RBFOX1: variants seen among roughly 807,000 people sequenced by gnomAD.
RBFOX1 encodes RNA binding protein fox-1 homolog 1.
A neutral mutation model predicts 57.7 loss-of-function variants in RBFOX1; 8 were observed. The ratio of observed to expected loss-of-function variants is 0.14; its 90% CI spans 0.08 to 0.25. The LOEUF is 0.25. RBFOX1 is among the 10% of genes least tolerant of loss of function. The probability of loss-of-function intolerance (pLI) is 1.00; values close to 1 mark genes in which losing one functional copy is unlikely to be tolerated. For synonymous variants in RBFOX1, 326 were observed against 222.4 expected (o/e 1.47, Z -4.15); for missense variants, 611 against 548.5 (o/e 1.11, Z -1.14).
At chr16:7,564,538 C>A (rs2091221292) in intron 5 of RBFOX1, among the ~76,000 whole-genome samples, 3 of 37,374 alleles carry the variant, frequency 8.0e-5, no homozygotes, top group African/African-American at 1.8e-4. Flanking sequence ...AAGACTCCAT[C>A]TCAAAAAAAA....
At position 6,710,897 on chromosome 16, in the gene RBFOX1, G is replaced by C. The variant is rs192976308; in HGVS notation, c.-16+56247G>C. ...TTCATTTGTGCCAAGTGTCTGAGAA[G>C]ACTCCTTCTAGAAGACAGGGAGGGG... On this transcript the variant is annotated intron_variant, in intron 3 of 15. Transcript: ENST00000550418. 1.6e-3 allele frequency among the ~76,000 whole-genome samples: 240 copies of C among 152,300 alleles called. 7 individuals are homozygous for C. Among genetic ancestry groups the C allele is most frequent in the Admixed American group, 0.013 (201 of 15,292 alleles).
In RBFOX1 at chr16:5,488,579, GATGATTGAAGATGATGGTGTGGTGGGGC is replaced by G. The variant is rs1293903788; in HGVS notation, c.258+21326_258+21353del. Among the ~76,000 whole-genome samples, 113 of 31,708 alleles carry G rather than the reference GATGATTGAAGATGATGGTGTGGTGGGGC, an allele frequency of 3.6e-3. 3 individuals carry two copies. In the Middle Eastern group the frequency reaches 0.075, roughly 21 times the overall value. The allele number at this position is 31,708 out of a possible 152,430, so 20.8% of individuals were successfully genotyped here. A position where few individuals can be genotyped will look rare whatever the true frequency, so the allele number is the denominator to read the frequency against. On this transcript the variant is annotated intron_variant, in intron 2 of 2. Transcript: ENST00000585867. ...AATGGAGGATTATGGTGATGATGGT[GATGATTGAAGATGATGGTGTGGTGGGGC>G]GTGATGGTGATGATAATGGAGGATT... is the stretch of plus-strand genomic sequence containing the variant.
intron 3 of RBFOX1, chr16:6,775,914 C>T (rs2079249054): frequency 6.6e-6 from 1 of 152,196 alleles, no homozygotes; most frequent in Non-Finnish European, 1.5e-5. Flanking sequence ...GTGCTTCTTT[C>T]CAAGTCTCCT....
At chr16:5,264,017 G>C (rs2062800276) in intron 1 of RBFOX1, among the ~76,000 whole-genome samples, 1 of 152,128 alleles carries the variant, frequency 6.6e-6, no homozygotes, top group Admixed American at 6.5e-5. Flanking sequence ...TTTCCAGGTG[G>C]GTGTGGTTGA....
intron 3 of RBFOX1, among the ~76,000 whole-genome samples, chr16:5,801,988 G>A (rs538818847): frequency 1.3e-5 from 2 of 152,246 alleles, no homozygotes; most frequent in African/African-American, 4.8e-5. Flanking sequence ...CACTCTGCCT[G>A]GGTCTGCTGG....
intron 2 of RBFOX1, among the ~76,000 whole-genome samples, chr16:6,326,645 C>T (rs115932007): frequency 6.6e-6 from 1 of 152,306 alleles, no homozygotes; most frequent in African/African-American, 2.4e-5. Context: ...TAAACCTGCA[C>T]TCTGTGCAGA....
chr16:5,649,737 ACAAATTGAAGGC>A (rs2049171000), intron 3 of RBFOX1, among the ~76,000 whole-genome samples: 1 of 152,160 alleles, frequency 6.6e-6, no homozygotes, highest in Non-Finnish European at 1.5e-5. Flanking sequence ...TTCAACAAAC[ACAAATTGAAGGC>A]CATCATGTAC....
chr16:6,243,137 C>CCTGT (rs1555572839), intron 1 of RBFOX1, among the ~76,000 whole-genome samples: 1 of 150,326 alleles, frequency 6.7e-6, no homozygotes, highest in African/African-American at 2.5e-5. Context: ...GATATTTATA[C>CCTGT]GTGTGTCTGT....
intron 1 of RBFOX1, among the ~76,000 whole-genome samples, chr16:5,386,317 G>A (rs1231945750): frequency 1.3e-5 from 2 of 152,104 alleles, no homozygotes; most frequent in Admixed American, 6.5e-5. Context: ...ATGACCAGGT[G>A]TGGATGGAGA....
intron 3 of RBFOX1, among the ~76,000 whole-genome samples, chr16:7,018,222 G>T (rs79908410): frequency 6.6e-6 from 1 of 152,066 alleles, no homozygotes; most frequent in Non-Finnish European, 1.5e-5. Flanking sequence ...GAAGAAGGGG[G>T]CATTCTCTAC....
intron 4 of RBFOX1, among the ~76,000 whole-genome samples, chr16:7,286,876 G>A (rs143299545): frequency 1.3e-4 from 20 of 152,106 alleles, no homozygotes; most frequent in South Asian, 1.0e-3. Context: ...TGATCCACCC[G>A]CCTCAGCCTC....
chr16:7,602,461 A>G (rs2095079710), intron 9 of RBFOX1, among the ~76,000 whole-genome samples: 1 of 152,118 alleles, frequency 6.6e-6, no homozygotes, highest in Admixed American at 6.6e-5. Flanking sequence ...TGTTCAGTTT[A>G]ATGTCCTTGA....
intron 3 of RBFOX1, among the ~76,000 whole-genome samples, chr16:6,822,841 A>G (rs1011743169): frequency 6.6e-6 from 1 of 152,164 alleles, no homozygotes; most frequent in African/African-American, 2.4e-5. Context: ...TGAATCTTAG[A>G]TCTCTTTGTG....
chr16:6,016,072 G>A (rs2094991795), upstream of RBFOX1, among the ~76,000 whole-genome samples: 2 of 152,210 alleles, frequency 1.3e-5, no homozygotes, highest in Admixed American at 6.5e-5. Context: ...AGGAAAGAAG[G>A]AAGGTTCACC....
At chr16:5,925,974 A>C (rs190743216) in intron 4 of RBFOX1, among the ~76,000 whole-genome samples, 2 of 151,950 alleles carry the variant, frequency 1.3e-5, no homozygotes, top group Non-Finnish European at 2.9e-5. Context: ...CCTATTGTCT[A>C]TTGTCCTCTG....
intron 4 of RBFOX1, among the ~76,000 whole-genome samples, chr16:7,396,895 G>C (rs35543269): frequency 0.18 from 27,900 of 152,104 alleles, 2,620 homozygotes; most frequent in South Asian, 0.27. Context: ...GAGCCTAGAA[G>C]ATGCCACTGC....
intron 3 of RBFOX1, among the ~76,000 whole-genome samples, chr16:5,640,670 G>GCATA (rs2048834012): frequency 6.7e-6 from 1 of 148,724 alleles, no homozygotes; most frequent in Non-Finnish European, 1.5e-5. Context: ...ACACATACAT[G>GCATA]CATACACACA....
chr16:6,568,829 C>G (rs916488370), intron 2 of RBFOX1, among the ~76,000 whole-genome samples: 1 of 152,034 alleles, frequency 6.6e-6, no homozygotes, highest in Non-Finnish European at 1.5e-5. Context: ...AGTGCAGTGG[C>G]GCGATCTCGG....
intron 3 of RBFOX1, among the ~76,000 whole-genome samples, chr16:6,923,197 G>T (rs956600285): frequency 1.3e-5 from 2 of 152,148 alleles, no homozygotes; most frequent in South Asian, 2.1e-4. Flanking sequence ...GTCTTCAGTT[G>T]CCTGCCTGAG....
Sources: gnomAD v4.1 joint callset for allele counts (sites outside exome capture counted in the v4.1 genomes callset) on GRCh38, gnomAD v4.1.1 for gene constraint, MANE v1.5 for transcripts, NCBI Gene and HGNC (gene_info 2026-07-23, HGNC 2026-07-21) for gene names.